The following ANKRD28 variants were observed in gnomAD, a reference collection of about 807,000 sequenced individuals.
ANKRD28 encodes serine/threonine-protein phosphatase 6 regulatory ankyrin repeat subunit A.
A neutral mutation model predicts 126.5 loss-of-function variants in ANKRD28; 44 were observed. That is an observed-to-expected ratio of 0.35 (90% confidence interval 0.27 to 0.45). ANKRD28 has a LOEUF of 0.45. Ranked by LOEUF, ANKRD28 falls within the 20% of genes least tolerant of loss-of-function variation. The probability of loss-of-function intolerance (pLI) is 1.00; values close to 1 mark genes in which losing one functional copy is unlikely to be tolerated. For missense variants in ANKRD28, 1,110 were observed against 1,316.6 expected, an observed-to-expected ratio of 0.84 and a Z score of 2.43; for synonymous variants, 442 against 468.5, an observed-to-expected ratio of 0.94 and a Z score of 0.73.
intron 1 of ANKRD28, among the ~76,000 whole-genome samples, chr3:15,850,224 T>TATAGAGAGAGAGAGAGAGAGAGAG (rs1418223588): frequency 2.8e-5 from 1 of 35,112 alleles, no homozygotes; most frequent in Non-Finnish European, 6.0e-5. Context: ...TATATATATA[T>TATAGAGAGAGAGAGAGAGAGAGAG]AGAGAGAGAG....
intron 2 of ANKRD28, among the ~76,000 whole-genome samples, chr3:15,785,435 T>C (rs998414942): frequency 6.6e-6 from 1 of 152,016 alleles, no homozygotes; most frequent in African/African-American, 2.4e-5. Context: ...AAAGAAGATA[T>C]ACAGATGGCA....
upstream of ANKRD28, among the ~76,000 whole-genome samples, chr3:15,802,704 A>G (rs2060488061): frequency 6.6e-6 from 1 of 152,234 alleles, no homozygotes; most frequent in African/African-American, 2.4e-5. Flanking sequence ...AGATGGAAAC[A>G]GTTACCACAA....
chr3:15,735,681 T>G (rs1209114974), intron 5 of ANKRD28, among the ~76,000 whole-genome samples, 184 bp from the exon 6 acceptor site: 1 of 152,140 alleles, frequency 6.6e-6, no homozygotes, highest in African/African-American at 2.4e-5. Flanking sequence ...AAAAAAAGGT[T>G]AACTGTGGGT....
At chr3:15,751,723 A>G (rs2057873997) in intron 4 of ANKRD28, 27 bp downstream of exon 4, 2 of 1,463,846 alleles carry the variant, frequency 1.4e-6, no homozygotes, top group African/African-American at 1.4e-5. Flanking sequence ...TTCATATAAA[A>G]CATATTTACT....
chr3:15,780,093 A>G (rs796933405), intron 2 of ANKRD28, among the ~76,000 whole-genome samples: 5 of 152,326 alleles, frequency 3.3e-5, no homozygotes, highest in African/African-American at 9.6e-5. Flanking sequence ...GGCAAGAGAA[A>G]GAAGTAAAAG....
chr3:15,721,947 G>A (rs1575386526), intron 7 of ANKRD28, among the ~76,000 whole-genome samples: 2 of 152,286 alleles, frequency 1.3e-5, no homozygotes, highest in Admixed American at 1.3e-4. Flanking sequence ...GTGTCACCAT[G>A]TTGGCCAGGC....
At chr3:15,781,039 C>G (rs937186691) in intron 2 of ANKRD28, among the ~76,000 whole-genome samples, 11 of 147,934 alleles carry the variant, frequency 7.4e-5, no homozygotes, top group Non-Finnish European at 1.5e-4. Context: ...AAAGCACAAG[C>G]AACAAAAACA....
chr3:15,724,886 C>T (rs1428088790), intron 6 of ANKRD28, among the ~76,000 whole-genome samples: 4 of 152,146 alleles, frequency 2.6e-5, no homozygotes, highest in Non-Finnish European at 5.9e-5. Context: ...GAGGCTGAGA[C>T]AGAAGAATTA....
At chr3:15,684,932 T>C (rs751281276) in intron 21 of ANKRD28, 1 of 319,270 alleles carries the variant, frequency 3.1e-6, no homozygotes, top group Non-Finnish European at 5.9e-6. Context: ...AAGACCAGCC[T>C]GGGCAACATA....
intron 1 of ANKRD28, among the ~76,000 whole-genome samples, chr3:15,818,079 C>T (rs1486099681): frequency 1.3e-5 from 2 of 152,066 alleles, no homozygotes; most frequent in African/African-American, 4.8e-5. Flanking sequence ...CTGAAAATCA[C>T]AAAATACTGA....
At chr3:15,679,826 C>A (rs1179119417) in intron 21 of ANKRD28, among the ~76,000 whole-genome samples, 6 of 151,894 alleles carry the variant, frequency 4.0e-5, no homozygotes, top group Non-Finnish European at 8.8e-5. Context: ...TTCAACCAAC[C>A]CCAAATTAAA....
chr3:15,671,929 A>G (rs1269518589), intron 27 of ANKRD28, among the ~76,000 whole-genome samples: 1 of 152,136 alleles, frequency 6.6e-6, no homozygotes, highest in South Asian at 2.1e-4. Flanking sequence ...GGAATCATGT[A>G]GTATGTATTA....
rs564396320 is a variant in ANKRD28, at chr3:15,815,912, A to G, written c.28-20606T>C. On this transcript the variant is annotated intron_variant, in intron 1 of 27. Coordinates refer to the ANKRD28 transcript ENST00000399451. The surrounding 1 kb of genome is among the most constrained non-coding windows in gnomAD (Gnocchi z 4.1). ...ATGGTGGCAGCAAATACCAAAGAAA[A>G]TTAATTTCTTGAGTACGTCCATTTA... 6.6e-6 allele frequency among the ~76,000 whole-genome samples: 1 copy of G among 152,236 alleles called. No individual in the cohort carries two copies. The highest frequency in any genetic ancestry group is 6.5e-5 in the Admixed American group (1 of 15,296).
chr3:15,674,174 C>CAAAAAAAAAAAAAAAAAAA (rs34806568), intron 27 of ANKRD28, among the ~76,000 whole-genome samples: 4 of 40,282 alleles, frequency 9.9e-5, no homozygotes, highest in African/African-American at 2.2e-4. Context: ...CCTGCCTCTT[C>CAAAAAAAAAAAAAAAAAAA]AAAAAAAAAA....
chr3:15,750,971 T>C (rs1312373201), intron 4 of ANKRD28, among the ~76,000 whole-genome samples: 5 of 151,896 alleles, frequency 3.3e-5, no homozygotes, highest in Admixed American at 2.0e-4. Flanking sequence ...GTAAAATGGG[T>C]ACTTTGGACA....
intron 1 of ANKRD28, among the ~76,000 whole-genome samples, chr3:15,851,361 G>A (rs2061646579): frequency 6.6e-6 from 1 of 151,740 alleles, no homozygotes; most frequent in Admixed American, 6.6e-5. Flanking sequence ...GGGCAACACG[G>A]CAAAAACCCA....
intron 1 of ANKRD28, among the ~76,000 whole-genome samples, chr3:15,806,810 C>A (rs912789947): frequency 2.0e-5 from 3 of 152,320 alleles, no homozygotes; most frequent in African/African-American, 7.2e-5. Context: ...GCATGAGCCA[C>A]CATGTCCGGC....
At chr3:15,683,265 C>A (rs1240051615) in intron 21 of ANKRD28, among the ~76,000 whole-genome samples, 1 of 152,170 alleles carries the variant, frequency 6.6e-6, no homozygotes, top group Non-Finnish European at 1.5e-5. Context: ...TACAGAAACA[C>A]AACTCACAAT....
At chr3:15,825,362 C>T (rs1458563760) in intron 1 of ANKRD28, among the ~76,000 whole-genome samples, 1 of 152,162 alleles carries the variant, frequency 6.6e-6, no homozygotes, top group African/African-American at 2.4e-5. Context: ...AATCCATAAT[C>T]TCAATGGAAT....
Sources: gnomAD v4.1 joint callset for allele counts (sites outside exome capture counted in the v4.1 genomes callset) on GRCh38, gnomAD v4.1.1 for gene constraint, Gnocchi (gnomAD v3.1) non-coding constraint, MANE v1.5 for transcripts, NCBI Gene and HGNC (gene_info 2026-07-23, HGNC 2026-07-21) for gene names.